Variants in MAP4K3 observed in about 807,000 individuals in gnomAD.
MAP4K3 encodes the protein mitogen-activated protein kinase kinase kinase kinase 3.
MAP4K3 carries 94 observed loss-of-function variants against 143.5 expected under a neutral mutation model. The observed-to-expected ratio is 0.65, with a 90% CI of 0.55 to 0.78. MAP4K3 has a LOEUF of 0.78. MAP4K3 is among the 30% of genes least tolerant of loss of function. The pLI is 0.00. For missense variants in MAP4K3, 1,077 were observed against 1,068.1 expected (o/e 1.01, Z -0.12); for synonymous variants, 416 against 347.2 (o/e 1.20, Z -2.20).
At chr2:39,361,933 CA>C (rs778922420) in intron 2 of MAP4K3, among the ~76,000 whole-genome samples, 20 of 151,568 alleles carry the variant, frequency 1.3e-4, no homozygotes, top group Non-Finnish European at 2.7e-4. Flanking sequence ...AATAAGAAAA[CA>C]AAGTATTCTG....
In MAP4K3 at chr2:39,437,003, C is replaced by G. The variant is rs7608492; in HGVS notation, c.-16G>C. 12,514 of 1,600,656 alleles carry G rather than the reference C, an allele frequency of 7.8e-3. 833 individuals are homozygous for G. In the African/African-American group the frequency reaches 0.14, roughly 18 times the overall value. ...CGGGGTTCATGGCGGGCCCCAGGTGCCCCCCGCCTCCCTCCCGGGCAGGGG... is the reference window on the plus strand; with the variant it reads ...CGGGGTTCATGGCGGGCCCCAGGTGGCCCCCGCCTCCCTCCCGGGCAGGGG... On this transcript the variant is annotated 5_prime_UTR_variant, in exon 1 of 34. Coordinates refer to ENST00000263881, the MANE Select transcript of MAP4K3 (RefSeq NM_003618.4).
intron 1 of MAP4K3, among the ~76,000 whole-genome samples, chr2:39,418,062 A>G (rs1019648723): frequency 6.6e-6 from 1 of 151,966 alleles, no homozygotes; most frequent in African/African-American, 2.4e-5. Context: ...AATTAGCTGG[A>G]TGTGGTGGCG....
chr2:39,318,371 T>A (rs938683807), intron 12 of MAP4K3, among the ~76,000 whole-genome samples: 1 of 152,092 alleles, frequency 6.6e-6, no homozygotes, highest in African/African-American at 2.4e-5. Flanking sequence ...AACCTGCACA[T>A]GTACCCTGAA....
chr2:39,286,604 C>A (rs1418363051), intron 21 of MAP4K3, among the ~76,000 whole-genome samples: 1 of 152,086 alleles, frequency 6.6e-6, no homozygotes, highest in Non-Finnish European at 1.5e-5. Flanking sequence ...TGTTTTATAA[C>A]GTACTACATA....
chr2:39,290,312 G>C lies in MAP4K3; in HGVS notation c.1294C>G (p.Pro432Ala), dbSNP rs756966243. The change falls in exon 19 of 34, where the codon CCA becomes GCA. Residue 432 changes from proline to alanine, a missense_variant. Around this residue, in one of 2 missense-constraint regions of MAP4K3, gnomAD observed 864 missense variants for 801.2 expected, o/e 1.08. Transcript: ENST00000263881. ...SKHSTLKAKI[P>A]PPLPPKPKSI... The stretch of plus-strand genomic sequence containing the variant: ...TCTACCTTTGGTGGCAAAGGAGGTG[G>C]AATTTTTGCTTTCAGAGTTGAGCTA... 49 of 1,607,498 alleles carry C rather than the reference G, an allele frequency of 3.0e-5. No homozygotes were observed. In the East Asian group the frequency reaches 1.1e-3, roughly 35 times the overall value.
chr2:39,406,019 T>C (rs1667083259), intron 1 of MAP4K3, among the ~76,000 whole-genome samples: 1 of 151,998 alleles, frequency 6.6e-6, no homozygotes, highest in Non-Finnish European at 1.5e-5. Flanking sequence ...CAGAATCCTA[T>C]CAGATAAATT....
intron 3 of MAP4K3, among the ~76,000 whole-genome samples, chr2:39,346,012 C>A (rs1490237717): frequency 2.8e-5 from 4 of 143,950 alleles, no homozygotes; most frequent in Non-Finnish European, 6.0e-5. Flanking sequence ...GTTCACATAA[C>A]AATGAAATTG....
Position 39,272,356 on chromosome 2 carries a change from C to A in MAP4K3, c.1900G>T (p.Asp634Tyr). 1 of 1,613,584 alleles carries A rather than the reference C, an allele frequency of 6.2e-7. No homozygotes were observed. Among genetic ancestry groups the A allele is most frequent in the South Asian group, 1.1e-5 (1 of 91,028 alleles). Residue 634 changes from aspartate to tyrosine, a missense_variant, in exon 26 of 34, where the codon GAT becomes TAT. Coordinates refer to ENST00000263881, the MANE Select transcript of MAP4K3 (RefSeq NM_003618.4). ...AACTTTTGCATTTGTCTTGCATAATCAAAAAGCCCTGGTAAATTATGGGAA... is the reference window on the plus strand; with the variant it reads ...AACTTTTGCATTTGTCTTGCATAATAAAAAAGCCCTGGTAAATTATGGGAA... ...LYSHNLPGLFDYARQMQKLPV... is the reference protein window; with the variant it reads ...LYSHNLPGLFYYARQMQKLPV...
At chr2:39,350,654 T>C (rs1225863098) in intron 3 of MAP4K3, among the ~76,000 whole-genome samples, 1 of 152,128 alleles carries the variant, frequency 6.6e-6, no homozygotes, top group South Asian at 2.1e-4. Flanking sequence ...GAGACCAACA[T>C]CTCTTTCCTG....
At chr2:39,342,216 G>A (rs984099540) in intron 4 of MAP4K3, among the ~76,000 whole-genome samples, 4 of 151,794 alleles carry the variant, frequency 2.6e-5, no homozygotes, top group Admixed American at 6.6e-5. Context: ...TTGGCTCACT[G>A]CAACCTCCGC....
chr2:39,372,024 C>A (rs892136590), intron 2 of MAP4K3, among the ~76,000 whole-genome samples: 1 of 151,472 alleles, frequency 6.6e-6, no homozygotes, highest in Non-Finnish European at 1.5e-5. Context: ...ATTATATGAT[C>A]TTATATTTGG....
intron 1 of MAP4K3, among the ~76,000 whole-genome samples, chr2:39,419,333 A>C (rs1572509115): frequency 6.6e-6 from 1 of 152,114 alleles, no homozygotes; most frequent in African/African-American, 2.4e-5. Context: ...GTTAAATTAT[A>C]TTTTAAAAAT....
At chr2:39,406,252 G>C (rs1228261493) in intron 1 of MAP4K3, among the ~76,000 whole-genome samples, 1 of 152,002 alleles carries the variant, frequency 6.6e-6, no homozygotes, top group Non-Finnish European at 1.5e-5. Flanking sequence ...AGCCTCCAAA[G>C]GACAAATCCA....
At chr2:39,356,362 T>G (rs745409585) in intron 2 of MAP4K3, 23 bp from the exon 3 acceptor site, 2 of 1,365,812 alleles carry the variant, frequency 1.5e-6, no homozygotes, top group African/African-American at 2.8e-5. Context: ...ACAAGCATGT[T>G]GAATATTTAG....
intron 1 of MAP4K3, among the ~76,000 whole-genome samples, chr2:39,398,585 C>A (rs1666871801): frequency 6.6e-6 from 1 of 151,466 alleles, no homozygotes; most frequent in East Asian, 1.9e-4. Context: ...TAAACGCATT[C>A]TTTATTAAAA....
At chr2:39,284,486 G>A (rs1681678578) in intron 21 of MAP4K3, among the ~76,000 whole-genome samples, 1 of 152,024 alleles carries the variant, frequency 6.6e-6, no homozygotes, top group African/African-American at 2.4e-5. Flanking sequence ...TTAAATTAGG[G>A]AGCTCTGAGT....
At chr2:39,410,393 T>C (rs1667204094) in intron 1 of MAP4K3, among the ~76,000 whole-genome samples, 1 of 152,218 alleles carries the variant, frequency 6.6e-6, no homozygotes, top group Non-Finnish European at 1.5e-5. Flanking sequence ...AGCAATAAAA[T>C]CATAACAAAG....
chr2:39,251,653 G>A (rs1260007827), intron 33 of MAP4K3, among the ~76,000 whole-genome samples, 177 bp downstream of exon 33: 1 of 152,154 alleles, frequency 6.6e-6, no homozygotes, highest in East Asian at 1.9e-4. Context: ...CCTGTTACTT[G>A]GAAGATCAGG....
At chr2:39,311,818 ACT>A (rs1682946827) in intron 13 of MAP4K3, among the ~76,000 whole-genome samples, 1 of 152,154 alleles carries the variant, frequency 6.6e-6, no homozygotes, top group South Asian at 2.1e-4. Flanking sequence ...TGGATTCCTG[ACT>A]CTCAAAATCT....
Sources: allele counts gnomAD v4.1 joint callset (sites outside exome capture counted in the v4.1 genomes callset), GRCh38; gene constraint gnomAD v4.1.1; regional missense constraint gnomAD v4.1.1; transcripts MANE v1.5; gene names NCBI Gene and HGNC (gene_info 2026-07-23, HGNC 2026-07-21).